The following ADCY3 variants were observed in gnomAD, a reference collection of about 807,000 sequenced individuals.
The protein encoded by ADCY3 is adenylate cyclase 3.
A neutral mutation model predicts 119.4 loss-of-function variants in ADCY3; 70 were observed. The observed-to-expected ratio is 0.59, with a 90% CI of 0.48 to 0.72. The LOEUF (loss-of-function observed/expected upper bound fraction) is 0.72, where lower values mean the gene tolerates loss of function less well. Among genes scored for constraint, ADCY3 ranks in the 30% least tolerant of loss-of-function variants. The probability of loss-of-function intolerance (pLI) is 0.00; values close to 1 mark genes in which losing one functional copy is unlikely to be tolerated. For synonymous variants in ADCY3, 672 were observed against 621.4 expected (o/e 1.08, Z -1.21); for missense variants, 1,238 against 1,541.6 (o/e 0.80, Z 3.30).
At position 24,840,617 on chromosome 2, in the gene ADCY3, C is replaced by T. The variant is rs111597497; in HGVS notation, c.1197-586G>A. On this transcript the variant is annotated intron_variant, in intron 6 of 21. Coordinates refer to ENST00000679454, the MANE Select transcript of ADCY3 (RefSeq NM_004036.5). ...ACTCCATCCCATGGGGGAGGGGCCT[C>T]GGCAGGAGCTTCCCTTTCCGTGTTG... 4.9e-3 allele frequency: 2,163 copies of T among 444,756 alleles called. 39 individuals carry two copies. The highest frequency in any genetic ancestry group is 0.039 in the African/African-American group (1,903 of 49,048). 27.6% of individuals were successfully genotyped at this position (444,756 alleles called of 1,614,324 possible).
intron 3 of ADCY3, among the ~76,000 whole-genome samples, chr2:24,858,155 C>T (rs560227156): frequency 2.0e-5 from 3 of 150,890 alleles, no homozygotes; most frequent in Non-Finnish European, 4.4e-5. Context: ...CGCACCACCA[C>T]CATGCCTGGA....
rs1678710589 is a variant in ADCY3 at position 24,899,863 on chromosome 2, GGAA to G, written c.675+18447_675+18449del. ...ACCTATGAGAAGGGGAGCAAGGGAAGGAAGGAGGACTTTCACTTTTATTCTTTG... is the reference window on the plus strand; with the variant it reads ...ACCTATGAGAAGGGGAGCAAGGGAAGGGAGGACTTTCACTTTTATTCTTTG... On this transcript the variant is annotated intron_variant, in intron 2 of 21. Transcript: ENST00000679454. The surrounding 1 kb of genome is among the most constrained non-coding windows in gnomAD (Gnocchi z 4.5). 6.6e-6 allele frequency among the ~76,000 whole-genome samples: 1 copy of G among 152,198 alleles called. No individual in the cohort carries two copies. Among genetic ancestry groups the G allele is most frequent in the Non-Finnish European group, 1.5e-5 (1 of 68,036 alleles).
At chr2:24,908,011 A>C (rs549356392) in intron 2 of ADCY3, among the ~76,000 whole-genome samples, 27 of 151,458 alleles carry the variant, frequency 1.8e-4, no homozygotes, top group Non-Finnish European at 3.2e-4. Flanking sequence ...AATAAAAATA[A>C]AAATACAAAA....
intron 2 of ADCY3, among the ~76,000 whole-genome samples, chr2:24,915,403 G>A (rs995743875): frequency 2.6e-5 from 4 of 152,088 alleles, no homozygotes; most frequent in South Asian, 2.1e-4. Flanking sequence ...CCTTGCCCCC[G>A]ATCCTTGATG....
At chr2:24,910,081 T>C (rs1672358056) in intron 2 of ADCY3, among the ~76,000 whole-genome samples, 1 of 152,218 alleles carries the variant, frequency 6.6e-6, no homozygotes, top group Non-Finnish European at 1.5e-5. Flanking sequence ...AACTGAATGC[T>C]GCAGGTGAAT....
intron 3 of ADCY3, among the ~76,000 whole-genome samples, chr2:24,870,595 C>T (rs1243853176): frequency 2.0e-5 from 3 of 152,140 alleles, no homozygotes; most frequent in Admixed American, 6.5e-5. Flanking sequence ...TCTGCTCTGC[C>T]ACTGCAGCGT....
At chr2:24,895,738 G>A (rs1047132097) in intron 2 of ADCY3, among the ~76,000 whole-genome samples, 25 of 151,386 alleles carry the variant, frequency 1.7e-4, no homozygotes, top group Admixed American at 9.2e-4. Context: ...TGATCCTCCC[G>A]TCTCAGCCTC....
At chr2:24,855,007 G>A (rs988017730) in intron 3 of ADCY3, among the ~76,000 whole-genome samples, 12 of 152,134 alleles carry the variant, frequency 7.9e-5, no homozygotes, top group South Asian at 4.2e-4. Flanking sequence ...CTGAGACTGC[G>A]CCACTGCACT....
At chr2:24,845,644 T>C (rs1671569510) in intron 3 of ADCY3, among the ~76,000 whole-genome samples, 1 of 152,254 alleles carries the variant, frequency 6.6e-6, no homozygotes, top group Non-Finnish European at 1.5e-5. Flanking sequence ...GACTATGCGA[T>C]AGAAAAGGAA....
intron 2 of ADCY3, among the ~76,000 whole-genome samples, chr2:24,892,874 G>A (rs1677844364): frequency 6.6e-6 from 1 of 151,878 alleles, no homozygotes; most frequent in South Asian, 2.1e-4. Flanking sequence ...ATGTTGGCCA[G>A]GCTGGTCTCG....
rs1664811099 is a variant in ADCY3, at chr2:24,919,087, G to A, written c.-100C>T. The A allele has an allele frequency of 5.4e-6, 7 of 1,295,142 alleles. No homozygotes were observed. Among genetic ancestry groups the A allele is most frequent in the Middle Eastern group, 3.9e-4 (2 of 5,170 alleles). The allele number at this position is 1,295,142 out of a possible 1,614,324, so 80.2% of individuals were successfully genotyped here. ...TCAGGGCTCTCTGAGACCGGGGGAG[G>A]GCTGAGGGCCTCTTCTTGTCTGGGG... On this transcript the variant is annotated 5_prime_UTR_variant, in exon 2 of 22. Transcript: ENST00000679454. This position sits in a 1 kb window ranked among gnomAD's most constrained non-coding sequence, Gnocchi z 5.5.
intron 2 of ADCY3, among the ~76,000 whole-genome samples, chr2:24,906,531 T>C (rs1041993318): frequency 6.6e-6 from 1 of 152,200 alleles, no homozygotes; most frequent in African/African-American, 2.4e-5. Context: ...TGTGTGCCAC[T>C]CCTTGGGCTG....
intron 14 of ADCY3, 106 bp from the exon 15 acceptor site, chr2:24,827,714 G>A (rs1045465172): frequency 7.0e-7 from 1 of 1,418,792 alleles, no homozygotes; most frequent in Non-Finnish European, 9.7e-7. Flanking sequence ...AGAATGGGAA[G>A]AATCTATTCT....
intron 2 of ADCY3, among the ~76,000 whole-genome samples, chr2:24,889,149 CCCTTTT>C (rs1677400915): frequency 6.6e-6 from 1 of 152,214 alleles, no homozygotes; most frequent in Admixed American, 6.5e-5. Flanking sequence ...GTCCTACCTT[CCCTTTT>C]ATTTCTGTGT....
chr2:24,822,293 G>T, intron 19 of ADCY3: 1 of 572,026 alleles, frequency 1.7e-6, no homozygotes, highest in Non-Finnish European at 3.0e-6. Context: ...TCTTAGGCCT[G>T]AGCTGTGAAC....
chr2:24,848,993 G>A (rs1413350719), intron 3 of ADCY3, among the ~76,000 whole-genome samples: 1 of 152,224 alleles, frequency 6.6e-6, no homozygotes, highest in Non-Finnish European at 1.5e-5. Flanking sequence ...GGTGCTGCTT[G>A]GGTGAGGAGG....
chr2:24,838,327 G>T (rs1000716321), intron 8 of ADCY3, 118 bp downstream of exon 8: 2 of 1,067,690 alleles, frequency 1.9e-6, no homozygotes, highest in South Asian at 1.6e-5. Context: ...ACCTCTCACA[G>T]CCAGCCACTG....
At chr2:24,820,237 C>A (rs1667373379) in intron 21 of ADCY3, 123 bp from the exon 22 acceptor site, 1 of 1,189,808 alleles carries the variant, frequency 8.4e-7, no homozygotes, top group Non-Finnish European at 1.1e-6. Context: ...ACGGGACACT[C>A]CCCAAACCTC....
chr2:24,886,870 G>A (rs1245814939), intron 2 of ADCY3, among the ~76,000 whole-genome samples: 1 of 152,220 alleles, frequency 6.6e-6, no homozygotes, highest in Non-Finnish European at 1.5e-5. Flanking sequence ...AGGCAAGCCG[G>A]TCCCTGGGGC....
Sources: gnomAD v4.1 joint callset for allele counts (sites outside exome capture counted in the v4.1 genomes callset) on GRCh38, gnomAD v4.1.1 for gene constraint, Gnocchi (gnomAD v3.1) non-coding constraint, MANE v1.5 for transcripts, NCBI Gene and HGNC (gene_info 2026-07-23, HGNC 2026-07-21) for gene names.